F8: variants seen among roughly 807,000 people sequenced by gnomAD.
F8 encodes antihemophilic factor.
In F8, 12 loss-of-function variants were observed where a neutral mutation model predicts 140.6. The ratio of observed to expected loss-of-function variants is 0.09; its 90% CI spans 0.05 to 0.14. The LOEUF is 0.14. Ranked by LOEUF, F8 falls within the 10% of genes least tolerant of loss-of-function variation. F8 has a pLI of 1.00. For synonymous variants in F8, 585 were observed against 614.6 expected (o/e 0.95, Z 0.71); for missense variants, 1,354 against 1,720.7 (o/e 0.79, Z 3.77).
In F8 at chrX:154,852,415, T is replaced by C. The variant is rs782384711; in HGVS notation, c.6900+8017A>G. 3.6e-5 allele frequency among the ~76,000 whole-genome samples: 4 copies of C among 111,860 alleles called. No homozygotes were observed. The Admixed American group carries it at 3.8e-4, about 11-fold the overall frequency. ...ATGGTAAAGATCCAACTTCATTCTT[T>C]TGCATGTGGATATCCAATTGTCCCA... On this transcript the variant is annotated intron_variant, in intron 25 of 25. Coordinates refer to ENST00000360256, the MANE Select transcript of F8 (RefSeq NM_000132.4).
At chrX:154,969,690 T>C (rs34414005) in intron 6 of F8, 138 bp from the exon 7 acceptor site, 1 of 531,411 alleles carries the variant, frequency 1.9e-6, no homozygotes, top group East Asian at 3.6e-5. Context: ...ATCAAGAACA[T>C]TGGGCTACTA....
At chrX:154,996,086 A>C (rs782687772) in intron 3 of F8, among the ~76,000 whole-genome samples, 1 of 112,147 alleles carries the variant, frequency 8.9e-6, no homozygotes, top group East Asian at 2.8e-4. Flanking sequence ...AAAAAAGATA[A>C]AATTGCATTG....
At chrX:154,860,286 C>CT (rs2072679804) in intron 25 of F8, 146 bp downstream of exon 25, 2 of 573,594 alleles carry the variant, frequency 3.5e-6, no homozygotes, top group East Asian at 6.6e-5. Context: ...CTCAGAATGC[C>CT]TTTTACAATG....
At chrX:154,863,493 G>T (rs1463207855) in intron 22 of F8, among the ~76,000 whole-genome samples, 1 of 111,705 alleles carries the variant, frequency 9.0e-6, no homozygotes. Context: ...GCTCATAAAA[G>T]TTGAGGAAGC....
intron 25 of F8, among the ~76,000 whole-genome samples, chrX:154,858,585 C>G (rs938862160): frequency 1.8e-5 from 2 of 112,096 alleles, no homozygotes; most frequent in Admixed American, 9.4e-5. Context: ...CAATGGGAAA[C>G]TACAGCAACC....
intron 5 of F8, among the ~76,000 whole-genome samples, chrX:154,986,367 T>C (rs1464882361): frequency 1.8e-5 from 2 of 111,901 alleles, no homozygotes; most frequent in Non-Finnish European, 3.8e-5. Flanking sequence ...CACAGCTCAC[T>C]GCAACCTTCA....
Position 154,903,964 on chromosome X carries a change from A to G in F8, c.5940T>C (p.His1980=), listed in dbSNP as rs1320660467. 3 of 1,206,244 alleles carry G rather than the reference A, an allele frequency of 2.5e-6. No homozygotes were observed. The highest frequency in any genetic ancestry group is 3.5e-5 in the African/African-American group (2 of 56,961). The stretch of plus-strand genomic sequence containing the variant: ...CCTCTTTTTTTCGTACAGTGAACAC[A>G]TGTCCACTGAAATGAATAGAATGGA... ...ENIHSIHFSG[H]VFTVRKKEEY... Residue 1980 remains histidine, a synonymous_variant, in exon 18 of 26, where the codon CAT becomes CAC. Coordinates refer to ENST00000360256, the MANE Select transcript of F8 (RefSeq NM_000132.4).
Position 154,932,232 on chromosome X carries a change from T to C in F8, c.2114-556A>G, listed in dbSNP as rs184833090. On this transcript the variant is annotated intron_variant, in intron 13 of 25. Transcript: ENST00000360256. ...AATACATTGAAATCACATAACACAA[T>C]ACCTAGCATCCACTGTCACCCACTT... 8.9e-5 allele frequency among the ~76,000 whole-genome samples: 10 copies of C among 111,983 alleles called. No homozygotes were observed. In the East Asian group the frequency reaches 2.8e-3, roughly 31 times the overall value.
chrX:154,868,081 A>T (rs1557273276), intron 22 of F8, among the ~76,000 whole-genome samples: 1 of 112,272 alleles, frequency 8.9e-6, no homozygotes, highest in East Asian at 2.8e-4. Context: ...CTGATATCAT[A>T]ACCAAATGTG....
chrX:154,844,795 C>A (rs1262201667), intron 25 of F8, among the ~76,000 whole-genome samples: 2 of 110,492 alleles, frequency 1.8e-5, no homozygotes, highest in Non-Finnish European at 3.8e-5. Flanking sequence ...CTTTCTCCTG[C>A]CTGATTGCCC....
At chrX:155,013,051 C>A (rs1419830529) in intron 1 of F8, among the ~76,000 whole-genome samples, 1 of 100,247 alleles carries the variant, frequency 1.0e-5, no homozygotes, top group Non-Finnish European at 2.0e-5. Context: ...GAGGCTGAGG[C>A]AGGAGAATGG....
At chrX:155,021,287 G>C (rs2073759244) in intron 1 of F8, among the ~76,000 whole-genome samples, 1 of 111,142 alleles carries the variant, frequency 9.0e-6, no homozygotes, top group East Asian at 2.8e-4. Context: ...TGGGGGAGAA[G>C]GGGACTGATG....
At chrX:154,965,453 A>G (rs1557281907) in intron 9 of F8, among the ~76,000 whole-genome samples, 2 of 111,655 alleles carry the variant, frequency 1.8e-5, no homozygotes, top group Admixed American at 9.5e-5. Flanking sequence ...TTAATATCCT[A>G]GATCAGGAGC....
intron 11 of F8, among the ~76,000 whole-genome samples, chrX:154,955,394 A>G (rs2073360029): frequency 9.9e-6 from 1 of 100,737 alleles, no homozygotes; most frequent in Non-Finnish European, 2.0e-5. Flanking sequence ...CCTGAGCTCA[A>G]GCAATCCTCC....
chrX:154,900,809 G>A (rs1250366533), intron 20 of F8, among the ~76,000 whole-genome samples: 5 of 111,988 alleles, frequency 4.5e-5, no homozygotes, highest in African/African-American at 6.5e-5. Context: ...TACTGCTGCT[G>A]TAGCCATAGA....
intron 14 of F8, among the ~76,000 whole-genome samples, chrX:154,923,741 T>A (rs1488066684): frequency 9.0e-6 from 1 of 111,262 alleles, no homozygotes; most frequent in Non-Finnish European, 1.9e-5. Flanking sequence ...TGGGAAGGCA[T>A]GATTGGTTTT....
intron 1 of F8, among the ~76,000 whole-genome samples, chrX:155,009,737 AAAAT>A (rs782614308): frequency 5.1e-4 from 57 of 110,828 alleles, no homozygotes; most frequent in African/African-American, 1.6e-3. Flanking sequence ...TCTGTCTCAA[AAAAT>A]AAATAAATAA....
intron 15 of F8, 146 bp from the exon 16 acceptor site, chrX:154,905,169 T>C (rs782291285): frequency 2.1e-6 from 1 of 482,933 alleles, no homozygotes; most frequent in Non-Finnish European, 3.5e-6. Context: ...GTACAGAAGA[T>C]GGATGCTGTT....
intron 25 of F8, among the ~76,000 whole-genome samples, chrX:154,842,681 A>G (rs1321228503): frequency 8.9e-6 from 1 of 112,289 alleles, no homozygotes; most frequent in Non-Finnish European, 1.9e-5. Context: ...ACCAGAAAAC[A>G]TGTTTTATAT....
Sources: allele counts gnomAD v4.1 joint callset (sites outside exome capture counted in the v4.1 genomes callset), GRCh38; gene constraint gnomAD v4.1.1; transcripts MANE v1.5; gene names NCBI Gene and HGNC (gene_info 2026-07-23, HGNC 2026-07-21).